Variants in DYM observed in about 807,000 individuals in gnomAD.
DYM encodes the protein dyggve-Melchior-Clausen syndrome protein.
Under a neutral mutation model 93.1 loss-of-function variants are expected in DYM, and 78 were observed. The observed-to-expected ratio is 0.84, with a 90% CI of 0.70 to 1.01. The LOEUF (loss-of-function observed/expected upper bound fraction) is 1.01, where lower values mean the gene tolerates loss of function less well. Ranked by LOEUF, DYM falls within the 50% of genes least tolerant of loss-of-function variation. The probability of loss-of-function intolerance (pLI) is 0.00; values close to 1 mark genes in which losing one functional copy is unlikely to be tolerated. For synonymous variants in DYM, 321 were observed against 319.7 expected (o/e 1.00, Z -0.04); for missense variants, 789 against 845.0 (o/e 0.93, Z 0.82).
intron 6 of DYM, among the ~76,000 whole-genome samples, chr18:49,353,421 A>G (rs1215963509): frequency 6.6e-6 from 1 of 152,116 alleles, no homozygotes; most frequent in Non-Finnish European, 1.5e-5. Flanking sequence ...TAAAGTACAG[A>G]TAATACAAGT....
At position 49,452,754 on chromosome 18, in the gene DYM, G is replaced by A. The variant is rs540754853; in HGVS notation, c.-54+7644C>T. ...GCTGAGGAGTGCAGGCGCACAGCGC[G>A]GGACTGGCAGGCAGCTCTGCCTGCG... On this transcript the variant is annotated intron_variant, in intron 1 of 17. Coordinates refer to ENST00000675505, the MANE Select transcript of DYM (RefSeq NM_001353214.3). Among the ~76,000 whole-genome samples, 29 of 136,898 alleles carry A rather than the reference G, an allele frequency of 2.1e-4. 6 individuals are homozygous for A. Among genetic ancestry groups the A allele is most frequent in the East Asian group, 2.1e-4 (1 of 4,664 alleles). 89.8% of individuals were successfully genotyped at this position (136,898 alleles called of 152,430 possible).
chr18:49,051,059 G>A (rs1373534767), intron 17 of DYM, among the ~76,000 whole-genome samples: 2 of 152,172 alleles, frequency 1.3e-5, no homozygotes, highest in Non-Finnish European at 2.9e-5. Flanking sequence ...GCAGTGAGTG[G>A]TAGAGCCAGA....
intron 17 of DYM, among the ~76,000 whole-genome samples, chr18:49,091,728 ATATTTATTTATT>A (rs370531625): frequency 6.6e-6 from 1 of 151,772 alleles, no homozygotes; most frequent in African/African-American, 2.4e-5. Flanking sequence ...CAGTGATTTA[ATATTTATTTATT>A]TATTTATTTA....
At chr18:49,201,238 A>G (rs936363092) in intron 14 of DYM, among the ~76,000 whole-genome samples, 6 of 152,246 alleles carry the variant, frequency 3.9e-5, no homozygotes, top group Non-Finnish European at 7.3e-5. Context: ...CACAGAAGTA[A>G]TAACACAGTT....
chr18:49,076,071 T>G (rs1317150466), intron 17 of DYM, among the ~76,000 whole-genome samples: 1 of 152,122 alleles, frequency 6.6e-6, no homozygotes, highest in Non-Finnish European at 1.5e-5. Context: ...AAAGTAAATT[T>G]CAAAAAAGCA....
chr18:49,080,083 CCGGA>C (rs1341963954), intron 17 of DYM, among the ~76,000 whole-genome samples: 1 of 131,440 alleles, frequency 7.6e-6, no homozygotes, highest in African/African-American at 3.0e-5. Context: ...CCCTCACCTC[CCGGA>C]CGGGGCGGCT....
intron 8 of DYM, among the ~76,000 whole-genome samples, chr18:49,312,620 C>T (rs761932278): frequency 1.3e-5 from 2 of 152,104 alleles, no homozygotes; most frequent in Non-Finnish European, 2.9e-5. Flanking sequence ...CTCTGCCCTC[C>T]GCACCCTTCA....
intron 16 of DYM, among the ~76,000 whole-genome samples, chr18:49,111,363 C>T (rs976256): frequency 0.15 from 23,505 of 152,142 alleles, 2,099 homozygotes; most frequent in East Asian, 0.38. Context: ...ACAGTTCCAA[C>T]ATCTGAGTCA....
At chr18:49,420,504 G>C (rs1025021257) in intron 2 of DYM, among the ~76,000 whole-genome samples, 1 of 151,936 alleles carries the variant, frequency 6.6e-6, no homozygotes, top group East Asian at 1.9e-4. Context: ...CAATCCAATT[G>C]TATACAATAA....
intron 2 of DYM, among the ~76,000 whole-genome samples, chr18:49,393,475 G>A (rs1156733851): frequency 1.3e-5 from 2 of 152,084 alleles, no homozygotes; most frequent in Non-Finnish European, 2.9e-5. Flanking sequence ...TTAGTCTTAA[G>A]AAATAGGGAA....
At chr18:49,072,547 T>C (rs868523804) in intron 17 of DYM, among the ~76,000 whole-genome samples, 10 of 152,126 alleles carry the variant, frequency 6.6e-5, no homozygotes, top group Admixed American at 1.3e-4. Context: ...AACAGCAAAA[T>C]AGAGTAAATG....
At chr18:49,222,292 A>G (rs1474181113) in intron 13 of DYM, among the ~76,000 whole-genome samples, 2 of 152,102 alleles carry the variant, frequency 1.3e-5, no homozygotes, top group African/African-American at 4.8e-5. Context: ...TTTTTTCTTT[A>G]CAAGAATTTA....
At chr18:49,136,001 T>C (rs2083811458) in intron 15 of DYM, among the ~76,000 whole-genome samples, 1 of 152,244 alleles carries the variant, frequency 6.6e-6, no homozygotes, top group Non-Finnish European at 1.5e-5. Context: ...GCCTACATTT[T>C]GTCCAAACAA....
At chr18:49,087,933 G>C (rs1474178863) in intron 17 of DYM, among the ~76,000 whole-genome samples, 1 of 152,166 alleles carries the variant, frequency 6.6e-6, no homozygotes, top group African/African-American at 2.4e-5. Flanking sequence ...AGAAATATCT[G>C]TTCATATCCT....
intron 16 of DYM, among the ~76,000 whole-genome samples, chr18:49,101,348 C>G (rs2080117746): frequency 6.6e-6 from 1 of 152,188 alleles, no homozygotes; most frequent in Non-Finnish European, 1.5e-5. Flanking sequence ...TTGGCTGTAA[C>G]TCATGAAATC....
chr18:49,254,325 T>TATACAC (rs1279388698), intron 13 of DYM, among the ~76,000 whole-genome samples: 6 of 138,656 alleles, frequency 4.3e-5, no homozygotes, highest in East Asian at 2.2e-4. Flanking sequence ...TATATATATA[T>TATACAC]ACACACATAG....
chr18:49,075,797 T>G (rs2077253634), intron 17 of DYM, among the ~76,000 whole-genome samples: 1 of 152,212 alleles, frequency 6.6e-6, no homozygotes, highest in Non-Finnish European at 1.5e-5. Context: ...GTTTACTCTG[T>G]TTTGTAGTGA....
At chr18:49,415,882 G>A (rs1473783170) in intron 2 of DYM, among the ~76,000 whole-genome samples, 5 of 149,284 alleles carry the variant, frequency 3.3e-5, no homozygotes, top group African/African-American at 4.9e-5. Context: ...AGCCAAGGTC[G>A]TGCCACTGTA....
chr18:49,075,119 G>T (rs1001335545), intron 17 of DYM, among the ~76,000 whole-genome samples: 1 of 152,132 alleles, frequency 6.6e-6, no homozygotes, highest in Non-Finnish European at 1.5e-5. Flanking sequence ...GAACAGAGAC[G>T]AACAGCATAG....
Sources: gnomAD v4.1 joint callset for allele counts (sites outside exome capture counted in the v4.1 genomes callset) on GRCh38, gnomAD v4.1.1 for gene constraint, MANE v1.5 for transcripts, NCBI Gene and HGNC (gene_info 2026-07-23, HGNC 2026-07-21) for gene names.